ZFR: variants seen among roughly 807,000 people sequenced by gnomAD.
ZFR encodes zinc finger RNA-binding protein.
A neutral mutation model predicts 130.7 loss-of-function variants in ZFR; 19 were observed. That is an observed-to-expected ratio of 0.15 (90% CI 0.10 to 0.21). The LOEUF (loss-of-function observed/expected upper bound fraction) is 0.21. Ranked by LOEUF, ZFR falls within the 10% of genes least tolerant of loss-of-function variation. The pLI, the probability that ZFR is intolerant of heterozygous loss-of-function variation, is 1.00. For missense variants in ZFR, 872 were observed against 1,321.5 expected (o/e 0.66, Z 5.27); for synonymous variants, 466 against 456.9 (o/e 1.02, Z -0.25).
At chr5:32,361,256 G>A (rs997189628) in intron 19 of ZFR, among the ~76,000 whole-genome samples, 1 of 152,216 alleles carries the variant, frequency 6.6e-6, no homozygotes, top group Non-Finnish European at 1.5e-5. Flanking sequence ...GATAATTCTA[G>A]TTGCTAAGAA....
chr5:32,406,714 G>GGCTTGGTATTCT, intron 6 of ZFR, 60 bp downstream of exon 6: 2 of 1,545,614 alleles, frequency 1.3e-6, no homozygotes, highest in South Asian at 2.5e-5. Context: ...TCAGGAGTTA[G>GGCTTGGTATTCT]AATACCAACT....
intron 11 of ZFR, among the ~76,000 whole-genome samples, chr5:32,391,403 G>A (rs1344334664): frequency 6.6e-6 from 1 of 152,112 alleles, no homozygotes; most frequent in African/African-American, 2.4e-5. Context: ...GAAACTTCAC[G>A]GTTGCTGGTT....
At chr5:32,406,747 T>C in intron 6 of ZFR, 27 bp downstream of exon 6, 4 of 1,591,202 alleles carry the variant, frequency 2.5e-6, no homozygotes, top group Non-Finnish European at 2.6e-6. Flanking sequence ...CACTGAAGAC[T>C]CAAGGTAAAA....
At chr5:32,395,114 A>G in intron 11 of ZFR, 45 bp downstream of exon 11, 2 of 1,503,638 alleles carry the variant, frequency 1.3e-6, no homozygotes, top group South Asian at 2.8e-5. Context: ...AGTTTTTAAG[A>G]AAGGCTGAAC....
intron 11 of ZFR, among the ~76,000 whole-genome samples, chr5:32,390,663 A>G (rs1753148272): frequency 6.6e-6 from 1 of 152,168 alleles, no homozygotes; most frequent in Non-Finnish European, 1.5e-5. Flanking sequence ...AGTAAAAAGA[A>G]CAGGCATCAG....
At chr5:32,443,357 T>G (rs1205332405) in intron 2 of ZFR, among the ~76,000 whole-genome samples, 1 of 152,250 alleles carries the variant, frequency 6.6e-6, no homozygotes, top group Non-Finnish European at 1.5e-5. Context: ...AGGGATTTCA[T>G]CCGGTGCATT....
At chr5:32,407,367 G>C (rs893988293) in intron 5 of ZFR, among the ~76,000 whole-genome samples, 6 of 150,798 alleles carry the variant, frequency 4.0e-5, no homozygotes, top group African/African-American at 1.5e-4. Flanking sequence ...AAAATCCTGT[G>C]AACAAAATTT....
At chr5:32,368,738 A>G (rs914435253) in intron 17 of ZFR, among the ~76,000 whole-genome samples, 24 of 152,344 alleles carry the variant, frequency 1.6e-4, no homozygotes, top group African/African-American at 5.8e-4. Context: ...GCTACCACTT[A>G]CTGAGTGCTT....
At position 32,397,188 on chromosome 5, in the gene ZFR, T is replaced by A. The variant is rs533860812; in HGVS notation, c.1833+31A>T. On this transcript the variant is annotated intron_variant, in intron 10 of 19. Coordinates refer to ENST00000265069, the MANE Select transcript of ZFR (RefSeq NM_016107.5). The stretch of plus-strand genomic sequence containing the variant: ...GTGTTTTTGTTTTTGTTTTTTGTTT[T>A]AAAGAAGGTAATAGCTGAAATTTTA... 5.7e-6 allele frequency: 9 copies of A among 1,568,452 alleles called. No individual in the cohort carries two copies. The East Asian group carries it at 2.0e-4, about 36-fold the overall frequency.
rs544650309 is a variant in ZFR, at chr5:32,428,555, T to C, written c.138-8452A>G. Among the ~76,000 whole-genome samples the C allele has an allele frequency of 2.0e-5, 3 of 152,298 alleles. No homozygotes were observed. In the South Asian group the frequency reaches 6.2e-4, roughly 32 times the overall value. ...CTGCACCACTACACTTCAACCTGAGTGAAGAGGAAGACTCTGTCTAAAAAC... is the reference window on the plus strand; with the variant it reads ...CTGCACCACTACACTTCAACCTGAGCGAAGAGGAAGACTCTGTCTAAAAAC... On this transcript the variant is annotated intron_variant, in intron 2 of 19. Transcript: ENST00000265069.
chr5:32,419,746 G>A, intron 3 of ZFR, 75 bp downstream of exon 3: 1 of 1,498,358 alleles, frequency 6.7e-7, no homozygotes, highest in Non-Finnish European at 8.9e-7. Flanking sequence ...AGAAGCAATG[G>A]CTAGGGCATT....
At chr5:32,366,268 C>A (rs926992700) in intron 17 of ZFR, among the ~76,000 whole-genome samples, 2 of 152,114 alleles carry the variant, frequency 1.3e-5, no homozygotes, top group East Asian at 1.9e-4. Flanking sequence ...ACGTAACTTT[C>A]GATAAATGCC....
chr5:32,438,253 A>AT (rs869249272), intron 2 of ZFR, among the ~76,000 whole-genome samples: 3,355 of 61,156 alleles, frequency 0.055, 141 homozygotes, highest in East Asian at 0.15. Context: ...TTATCTGAAA[A>AT]TTTTTTTTTT....
At chr5:32,365,981 ACT>A (rs1752532152) in intron 17 of ZFR, among the ~76,000 whole-genome samples, 2 of 151,742 alleles carry the variant, frequency 1.3e-5, no homozygotes, top group Admixed American at 1.3e-4. Flanking sequence ...CATCTAGAAA[ACT>A]CTATGTGTAT....
intron 15 of ZFR, chr5:32,380,415 G>A (rs1045855454): frequency 2.7e-5 from 9 of 337,650 alleles, no homozygotes; most frequent in East Asian, 5.0e-5. Context: ...CCACCAAAAC[G>A]AAATCCGAAG....
chr5:32,438,485 A>G (rs1358097399), intron 2 of ZFR, among the ~76,000 whole-genome samples: 1 of 151,926 alleles, frequency 6.6e-6, no homozygotes, highest in East Asian at 1.9e-4. Context: ...CTGGTCTCGA[A>G]TTCCCAACCT....
intron 5 of ZFR, among the ~76,000 whole-genome samples, chr5:32,408,333 A>AAAC (rs1554073145): frequency 1.4e-4 from 20 of 140,172 alleles, no homozygotes; most frequent in African/African-American, 2.1e-4. Context: ...AAAAAAAAAA[A>AAAC]AAAACTAGAA....
chr5:32,376,955 G>A (rs1313869101), intron 17 of ZFR, among the ~76,000 whole-genome samples: 1 of 113,722 alleles, frequency 8.8e-6, no homozygotes, highest in East Asian at 2.5e-4. Context: ...CTCCAGCCTG[G>A]GCGACAAGCT....
At chr5:32,387,434 A>G in intron 14 of ZFR, 115 bp downstream of exon 14, 1 of 1,259,810 alleles carries the variant, frequency 7.9e-7, no homozygotes, top group Non-Finnish European at 1.1e-6. Context: ...CTCAATACAG[A>G]AAGTCAAGCC....
Sources: allele counts gnomAD v4.1 joint callset (sites outside exome capture counted in the v4.1 genomes callset), GRCh38; gene constraint gnomAD v4.1.1; transcripts MANE v1.5; gene names NCBI Gene and HGNC (gene_info 2026-07-23, HGNC 2026-07-21).